GLI3: variants seen among roughly 807,000 people sequenced by gnomAD.
The protein encoded by GLI3 is transcription activator GLI3.
Under a neutral mutation model 100.8 loss-of-function variants are expected in GLI3, and 20 were observed. That is an observed-to-expected ratio of 0.20 (90% CI 0.14 to 0.29). The LOEUF (loss-of-function observed/expected upper bound fraction) is 0.29, where lower values mean the gene tolerates loss of function less well. Ranked by LOEUF, GLI3 falls within the 10% of genes least tolerant of loss-of-function variation. The pLI, the probability that GLI3 is intolerant of heterozygous loss-of-function variation, is 1.00. For synonymous variants in GLI3, 938 were observed against 860.5 expected (o/e 1.09, Z -1.58); for missense variants, 2,040 against 2,128.5 (o/e 0.96, Z 0.82).
intron 2 of GLI3, among the ~76,000 whole-genome samples, chr7:42,200,418 G>A (rs1165553780): frequency 6.6e-6 from 1 of 152,180 alleles, no homozygotes; most frequent in African/African-American, 2.4e-5. Flanking sequence ...TCAAATATTT[G>A]TAAGTACTTG....
intron 2 of GLI3, among the ~76,000 whole-genome samples, chr7:42,184,583 T>C (rs1394665264): frequency 6.6e-6 from 1 of 152,122 alleles, no homozygotes; most frequent in East Asian, 1.9e-4. Context: ...ACAATAAATG[T>C]GAATTGTTTT....
At chr7:42,182,006 C>T (rs747411577) in intron 2 of GLI3, among the ~76,000 whole-genome samples, 59 of 152,228 alleles carry the variant, frequency 3.9e-4, no homozygotes, top group Admixed American at 1.8e-3. Context: ...TTAGGGTCAT[C>T]TGTAAGTTTG....
intron 2 of GLI3, among the ~76,000 whole-genome samples, chr7:42,220,029 T>C (rs1354730132): frequency 1.3e-5 from 2 of 152,026 alleles, no homozygotes; most frequent in African/African-American, 4.8e-5. Flanking sequence ...ATTTTTTATA[T>C]TTTTAGTAGA....
At chr7:42,211,337 AGCCTACACAGG>A (rs1788270618) in intron 2 of GLI3, among the ~76,000 whole-genome samples, 1 of 152,254 alleles carries the variant, frequency 6.6e-6, no homozygotes, top group Non-Finnish European at 1.5e-5. Context: ...AAACATTGTT[AGCCTACACAGG>A]AACTGCTGTC....
intron 2 of GLI3, among the ~76,000 whole-genome samples, chr7:42,206,879 A>T (rs987992480): frequency 2.6e-5 from 4 of 152,146 alleles, no homozygotes; most frequent in African/African-American, 9.7e-5. Flanking sequence ...GAACTAAAAA[A>T]TTTTTTAAAA....
At chr7:42,197,498 G>T (rs1787950450) in intron 2 of GLI3, among the ~76,000 whole-genome samples, 1 of 152,208 alleles carries the variant, frequency 6.6e-6, no homozygotes, top group Non-Finnish European at 1.5e-5. Context: ...AGAGCAGGGG[G>T]AGTTGACCAC....
At chr7:42,260,853 T>C (rs1789130491) in intron 1 of GLI3, among the ~76,000 whole-genome samples, 1 of 151,580 alleles carries the variant, frequency 6.6e-6, no homozygotes, top group Non-Finnish European at 1.5e-5. Flanking sequence ...AGGGAAAGAG[T>C]GAAATAAAGG....
chr7:42,071,807 T>C (rs1784789091), intron 4 of GLI3, among the ~76,000 whole-genome samples: 1 of 152,158 alleles, frequency 6.6e-6, no homozygotes, highest in Non-Finnish European at 1.5e-5. Context: ...GCCTTACCTA[T>C]TTCCAGTGCA....
At chr7:42,048,772 G>T in intron 4 of GLI3, 76 bp from the exon 5 acceptor site, 1 of 967,460 alleles carries the variant, frequency 1.0e-6, no homozygotes, top group Non-Finnish European at 1.6e-6. Context: ...GTCTCTGAAA[G>T]AAAATAAGTA....
chr7:42,078,040 G>C (rs544052455), intron 3 of GLI3, among the ~76,000 whole-genome samples: 1 of 152,306 alleles, frequency 6.6e-6, no homozygotes, highest in Non-Finnish European at 1.5e-5. Context: ...CCCTAGTGCT[G>C]AGGGTAGCAG....
intron 10 of GLI3, among the ~76,000 whole-genome samples, chr7:41,994,660 T>C (rs1358808536): frequency 3.9e-5 from 6 of 152,244 alleles, no homozygotes; most frequent in Non-Finnish European, 7.3e-5. Flanking sequence ...TCTGCAATTT[T>C]GTTTTCTTGC....
intron 5 of GLI3, 132 bp downstream of exon 5, chr7:42,048,359 T>C: frequency 1.3e-6 from 1 of 742,340 alleles, no homozygotes. Context: ...ATCATGCATG[T>C]AAGGCACAGA....
chr7:41,971,665 G>T (rs1220756098), intron 13 of GLI3, among the ~76,000 whole-genome samples: 1 of 152,048 alleles, frequency 6.6e-6, no homozygotes, highest in Non-Finnish European at 1.5e-5. Context: ...AGTTTACCCA[G>T]TTTCTAGACT....
At chr7:42,114,589 A>G (rs1462860113) in intron 3 of GLI3, among the ~76,000 whole-genome samples, 1 of 152,236 alleles carries the variant, frequency 6.6e-6, no homozygotes, top group Non-Finnish European at 1.5e-5. Context: ...GTGAAGTTCC[A>G]AGAACCCTAA....
At chr7:42,139,632 TCA>T (rs1786517770) in intron 3 of GLI3, among the ~76,000 whole-genome samples, 1 of 151,312 alleles carries the variant, frequency 6.6e-6, no homozygotes, top group African/African-American at 2.4e-5. Flanking sequence ...TGAGCCGAGA[TCA>T]CACCATTGCA....
rs1364484036 is a variant in GLI3 at position 42,249,058 on chromosome 7, T to TAG, written c.-43+14934_-43+14935dup. ...CACTGCGCCTGGCCTTATCGAAATT[T>TAG]AGGAGAGTATTTTAAGGGACAAAAA... On this transcript the variant is annotated intron_variant, in intron 1 of 2. Transcript: ENST00000678978. Among the ~76,000 whole-genome samples, 13 of 152,312 alleles carry TAG rather than the reference T, an allele frequency of 8.5e-5. No homozygotes were observed. The South Asian group carries it at 2.7e-3, about 32-fold the overall frequency.
At chr7:42,216,843 C>T (rs529975164) in intron 2 of GLI3, among the ~76,000 whole-genome samples, 1 of 152,178 alleles carries the variant, frequency 6.6e-6, no homozygotes, top group Non-Finnish European at 1.5e-5. Context: ...TTGCATTTAG[C>T]TAAAGCATAG....
chr7:42,195,112 T>TAAGC (rs932166271), intron 2 of GLI3, among the ~76,000 whole-genome samples: 1 of 152,116 alleles, frequency 6.6e-6, no homozygotes, highest in African/African-American at 2.4e-5. Flanking sequence ...CAATGAAGTC[T>TAAGC]AAGCCATCAC....
chr7:42,153,299 T>A (rs1179184387), intron 2 of GLI3, among the ~76,000 whole-genome samples: 1 of 152,216 alleles, frequency 6.6e-6, no homozygotes, highest in African/African-American at 2.4e-5. Context: ...TTCGGAATAC[T>A]TCTTGCAATA....
Sources: allele counts gnomAD v4.1 joint callset (sites outside exome capture counted in the v4.1 genomes callset), GRCh38; gene constraint gnomAD v4.1.1; transcripts MANE v1.5; gene names NCBI Gene and HGNC (gene_info 2026-07-23, HGNC 2026-07-21).